CFAP47: variants seen among roughly 807,000 people sequenced by gnomAD.
CFAP47 encodes cilia- and flagella-associated protein 47.
In CFAP47, 29 loss-of-function variants were observed where a neutral mutation model predicts 148.1. That is an observed-to-expected ratio of 0.20 (90% CI 0.15 to 0.27). The LOEUF is 0.27. CFAP47 is among the 10% of genes least tolerant of loss of function. CFAP47 has a pLI of 1.00. For synonymous variants in CFAP47, 664 were observed against 577.3 expected, an observed-to-expected ratio of 1.15 and a Z score of -2.15; for missense variants, 1,872 against 1,697.5, an observed-to-expected ratio of 1.10 and a Z score of -1.81.
At chrX:36,349,128 A>G (rs1176510261) in intron 58 of CFAP47, among the ~76,000 whole-genome samples, 1 of 112,070 alleles carries the variant, frequency 8.9e-6, no homozygotes, top group Non-Finnish European at 1.9e-5. Flanking sequence ...GCATTAAAGA[A>G]GCTTGAAGGC....
intron 62 of CFAP47, among the ~76,000 whole-genome samples, chrX:36,371,714 GTGTATATACACACATGTGTGTA>G (rs1941948587): frequency 1.5e-5 from 1 of 65,269 alleles, no homozygotes; most frequent in African/African-American, 6.4e-5. Flanking sequence ...GTATATATGT[GTGTATATACACACATGTGTGTA>G]TATATGTGTG....
Position 35,924,449 on chromosome X carries a change from ATG to A in CFAP47, c.250-1564_250-1563del, listed in dbSNP as rs1170812326. Among the ~76,000 whole-genome samples, 7 of 104,961 alleles carry A rather than the reference ATG, an allele frequency of 6.7e-5. 1 individual carries two copies. The highest frequency in any genetic ancestry group is 2.5e-4 in the African/African-American group (7 of 27,842). The allele number at this position is 104,961 out of a possible 115,157, so 91.1% of individuals were successfully genotyped here. A position where few individuals can be genotyped will look rare whatever the true frequency, so the allele number is the denominator to read the frequency against. ...CATATGTGTATATATGTACACCTAT[ATG>A]TGTATATAGGTGCACCTATATGTGT... On this transcript the variant is annotated intron_variant, in intron 1 of 63. Coordinates refer to ENST00000378653, the MANE Select transcript of CFAP47 (RefSeq NM_001304548.2).
intron 33 of CFAP47, among the ~76,000 whole-genome samples, chrX:36,106,694 A>G (rs188234202): frequency 9.0e-4 from 101 of 111,890 alleles, no homozygotes; most frequent in African/African-American, 2.9e-3. Context: ...AAACTTATAG[A>G]TGTATTACTA....
At chrX:36,006,643 A>G (rs769959419) in intron 21 of CFAP47, among the ~76,000 whole-genome samples, 1 of 112,174 alleles carries the variant, frequency 8.9e-6, no homozygotes, top group Non-Finnish European at 1.9e-5. Flanking sequence ...TGTTAGTTGT[A>G]AACCTTCCTT....
chrX:36,211,488 G>T, intron 45 of CFAP47: 1 of 290,353 alleles, frequency 3.4e-6, no homozygotes. Context: ...TAGTGATATT[G>T]TAAAGAAACT....
chrX:35,923,797 C>A (rs1316118334), intron 1 of CFAP47, among the ~76,000 whole-genome samples: 1 of 101,477 alleles, frequency 9.9e-6, no homozygotes, highest in Non-Finnish European at 2.0e-5. Flanking sequence ...TCCAGCCTGG[C>A]GACAGAACGA....
intron 33 of CFAP47, among the ~76,000 whole-genome samples, chrX:36,108,114 G>A (rs1357393933): frequency 9.0e-6 from 1 of 111,428 alleles, no homozygotes; most frequent in African/African-American, 3.3e-5. Flanking sequence ...CAGATTTCCT[G>A]TCTTGCCCTT....
chrX:36,357,484 C>A (rs1381922534), intron 60 of CFAP47, among the ~76,000 whole-genome samples: 2 of 112,003 alleles, frequency 1.8e-5, no homozygotes, highest in Admixed American at 1.9e-4. Flanking sequence ...AGCAACAATC[C>A]AGCAAGCATC....
chrX:36,129,819 C>T (rs1040901305), intron 33 of CFAP47, among the ~76,000 whole-genome samples: 4 of 110,937 alleles, frequency 3.6e-5, no homozygotes, highest in Non-Finnish European at 7.6e-5. Flanking sequence ...TCAATGGACA[C>T]AGTAACAGCA....
intron 2 of CFAP47, among the ~76,000 whole-genome samples, chrX:35,933,716 A>G (rs994340569): frequency 1.8e-5 from 2 of 111,932 alleles, no homozygotes; most frequent in Admixed American, 1.9e-4. Context: ...CCTTTTCTCC[A>G]CATCCTTGCT....
At chrX:35,980,142 A>T (rs190741322) in intron 15 of CFAP47, among the ~76,000 whole-genome samples, 56 of 112,349 alleles carry the variant, frequency 5.0e-4, no homozygotes, top group African/African-American at 1.6e-3. Context: ...AACATCAGGC[A>T]AACAGAGGCT....
intron 10 of CFAP47, among the ~76,000 whole-genome samples, chrX:35,968,593 T>C (rs1170397649): frequency 2.7e-5 from 3 of 111,491 alleles, no homozygotes; most frequent in African/African-American, 9.8e-5. Flanking sequence ...TCTGCACTTG[T>C]CTTTTTAGCT....
chrX:36,228,918 T>G (rs1940303832), intron 46 of CFAP47, 94 bp downstream of exon 46: 1 of 449,494 alleles, frequency 2.2e-6, no homozygotes, highest in Non-Finnish European at 3.9e-6. Flanking sequence ...TATTACAAAT[T>G]TCTGACTGTC....
At chrX:36,226,642 G>A (rs192440638) in intron 45 of CFAP47, among the ~76,000 whole-genome samples, 537 of 111,560 alleles carry the variant, frequency 4.8e-3, no homozygotes, top group African/African-American at 0.017. Context: ...GTAAGAGAGA[G>A]GGGCTGACAT....
chrX:36,053,786 C>A (rs1937533372), intron 26 of CFAP47, among the ~76,000 whole-genome samples: 1 of 112,016 alleles, frequency 8.9e-6, no homozygotes, highest in Non-Finnish European at 1.9e-5. Context: ...GGAAGTTATT[C>A]ATCGTTTACT....
chrX:36,162,109 A>T (rs1007862396), intron 39 of CFAP47, among the ~76,000 whole-genome samples: 1 of 112,183 alleles, frequency 8.9e-6, no homozygotes, highest in African/African-American at 3.2e-5. Context: ...AATTGGGAGA[A>T]TATTACAGAT....
chrX:36,255,383 A>C (rs929226303), intron 49 of CFAP47, among the ~76,000 whole-genome samples: 1 of 112,449 alleles, frequency 8.9e-6, no homozygotes, highest in Non-Finnish European at 1.9e-5. Context: ...GCTTTGGCGA[A>C]GGCCCACTGA....
At chrX:36,030,414 A>G (rs1937266894) in intron 22 of CFAP47, among the ~76,000 whole-genome samples, 1 of 111,084 alleles carries the variant, frequency 9.0e-6, no homozygotes. Flanking sequence ...TGGAAATACA[A>G]TATTACATGT....
chrX:35,920,173 G>A lies in CFAP47; in HGVS notation c.249+125G>A, dbSNP rs191164700. On this transcript the variant is annotated intron_variant, in intron 1 of 63. Coordinates refer to ENST00000378653, the MANE Select transcript of CFAP47 (RefSeq NM_001304548.2). ...GATGGAGGGAGGATTGGGCTTCCCG[G>A]GAAACAGTGACAGGTTTCTGTGTGT... 3,519 of 747,695 alleles carry A rather than the reference G, an allele frequency of 4.7e-3. 9 individuals are homozygous for A. Among genetic ancestry groups the A allele is most frequent in the Non-Finnish European group, 6.2e-3 (3,321 of 537,542 alleles). The allele number at this position is 747,695 out of a possible 1,213,427, so 61.6% of individuals were successfully genotyped here.
Sources: allele counts gnomAD v4.1 joint callset (sites outside exome capture counted in the v4.1 genomes callset), GRCh38; gene constraint gnomAD v4.1.1; transcripts MANE v1.5; gene names NCBI Gene and HGNC (gene_info 2026-07-23, HGNC 2026-07-21).